PIAS4: variants seen among roughly 807,000 people sequenced by gnomAD.
The protein encoded by PIAS4 is E3 SUMO-protein ligase PIAS4.
PIAS4 carries 7 observed loss-of-function variants against 58.0 expected under a neutral mutation model. The observed-to-expected ratio is 0.12, with a 90% CI of 0.07 to 0.23. The LOEUF (loss-of-function observed/expected upper bound fraction) is 0.23. Ranked by LOEUF, PIAS4 falls within the 10% of genes least tolerant of loss-of-function variation. PIAS4 has a pLI of 1.00. For missense variants in PIAS4, 550 were observed against 709.5 expected (o/e 0.78, Z 2.55); for synonymous variants, 364 against 312.4 (o/e 1.17, Z -1.74).
chr19:4,035,241 G>C (rs1368596303), intron 9 of PIAS4, among the ~76,000 whole-genome samples: 1 of 152,102 alleles, frequency 6.6e-6, no homozygotes, highest in Non-Finnish European at 1.5e-5. Flanking sequence ...TGATGAGAAC[G>C]ATGCCACTGC....
intron 7 of PIAS4, among the ~76,000 whole-genome samples, chr19:4,031,228 G>T (rs1313916997): frequency 6.6e-6 from 1 of 152,182 alleles, no homozygotes; most frequent in Non-Finnish European, 1.5e-5. Flanking sequence ...CCAGAAGCCT[G>T]GAGCAGTGCT....
At chr19:4,036,832 TCACA>T (rs561780709) in intron 9 of PIAS4, among the ~76,000 whole-genome samples, 15 of 141,188 alleles carry the variant, frequency 1.1e-4, no homozygotes, top group Non-Finnish European at 1.7e-4. Flanking sequence ...GTCCACACCG[TCACA>T]CACACACGCC....
chr19:4,018,171 C>T (rs541881347), intron 2 of PIAS4, among the ~76,000 whole-genome samples: 40 of 152,346 alleles, frequency 2.6e-4, no homozygotes, highest in Admixed American at 6.5e-4. Context: ...TACAATTATG[C>T]GCTTGTCCTA....
intron 2 of PIAS4, among the ~76,000 whole-genome samples, chr19:4,015,950 G>A (rs1166505671): frequency 6.6e-6 from 1 of 152,226 alleles, no homozygotes; most frequent in East Asian, 1.9e-4. Flanking sequence ...CAGGCTGTAG[G>A]TGATCGGCTC....
Position 4,038,035 on chromosome 19 carries a change from C to T in PIAS4, c.*160C>T. 3.1e-6 allele frequency: 2 copies of T among 647,928 alleles called. No homozygotes were observed. Among genetic ancestry groups the T allele is most frequent in the Non-Finnish European group, 2.6e-6 (1 of 391,196 alleles). 40.1% of individuals were successfully genotyped at this position (647,928 alleles called of 1,614,324 possible). On this transcript the variant is annotated 3_prime_UTR_variant, in exon 11 of 11. Transcript: ENST00000262971. The surrounding 1 kb of genome is among the most constrained non-coding windows in gnomAD (Gnocchi z 4.1). ...CTCCTGGCACCTGTACCTCTGGACT[C>T]TCCTATCGGGGGATTAAAAAAAAAA...
intron 1 of PIAS4, among the ~76,000 whole-genome samples, chr19:4,012,701 C>T (rs1238189340): frequency 2.0e-5 from 3 of 150,338 alleles, no homozygotes; most frequent in Non-Finnish European, 4.4e-5. Context: ...GCTTTTGCTG[C>T]GTTGGCGATG....
intron 1 of PIAS4, among the ~76,000 whole-genome samples, chr19:4,010,262 A>T (rs1208069974): frequency 6.6e-6 from 1 of 152,168 alleles, no homozygotes; most frequent in Non-Finnish European, 1.5e-5. Flanking sequence ...CTGAGTCGTG[A>T]ACATATGGCC....
chr19:4,030,398 T>A (rs1015129437), intron 7 of PIAS4, among the ~76,000 whole-genome samples: 1 of 151,834 alleles, frequency 6.6e-6, no homozygotes, highest in African/African-American at 2.4e-5. Flanking sequence ...GGCGGGCAGA[T>A]CATGGGGTCA....
intron 7 of PIAS4, among the ~76,000 whole-genome samples, chr19:4,029,811 ATTTTTTTTTTTTTTTT>A (rs1172132330): frequency 1.8e-5 from 1 of 55,000 alleles, no homozygotes; most frequent in Non-Finnish European, 3.7e-5. Flanking sequence ...CACCCAACTA[ATTTTTTTTTTTTTTTT>A]TTTTTTTTTT....
intron 3 of PIAS4, 101 bp downstream of exon 3, chr19:4,024,221 G>A (rs1313383395): frequency 3.3e-5 from 28 of 861,528 alleles, no homozygotes; most frequent in East Asian, 1.8e-4. Flanking sequence ...TGCAGGCCTC[G>A]CTCGGGCTCA....
rs367607842 is a variant in PIAS4, at chr19:4,037,589, C to T, written c.1274-27C>T. On this transcript the variant is annotated intron_variant, in intron 10 of 10. Coordinates refer to ENST00000262971, the MANE Select transcript of PIAS4 (RefSeq NM_015897.4). This position sits in a 1 kb window ranked among gnomAD's most constrained non-coding sequence, Gnocchi z 5.8. ...TTTATCAGTGGTTGCATCCTAAGTA[C>T]CTGCACCCTGTCCCTGTTGCCCGTA... is the stretch of plus-strand genomic sequence containing the variant. 4.1e-5 allele frequency: 66 copies of T among 1,607,892 alleles called. No individual in the cohort carries two copies. The East Asian group carries it at 9.1e-4, about 22-fold the overall frequency.
At chr19:4,012,809 C>A in intron 1 of PIAS4, 114 bp from the exon 2 acceptor site, 1 of 1,194,860 alleles carries the variant, frequency 8.4e-7, no homozygotes, top group Non-Finnish European at 1.2e-6. Flanking sequence ...CCAAGGCTGG[C>A]GCTTCCTGGC....
chr19:4,023,210 G>A (rs2040128276), intron 2 of PIAS4, among the ~76,000 whole-genome samples: 1 of 147,202 alleles, frequency 6.8e-6, no homozygotes, highest in Admixed American at 6.8e-5. Context: ...TGGGCACAGT[G>A]GCTCACGCCT....
chr19:4,010,039 T>G (rs1335106360), intron 1 of PIAS4, among the ~76,000 whole-genome samples: 1 of 152,210 alleles, frequency 6.6e-6, no homozygotes, highest in Non-Finnish European at 1.5e-5. Context: ...TGTCTCCCCA[T>G]GCGACTTCCA....
At chr19:4,036,189 A>C (rs1176253793) in intron 9 of PIAS4, among the ~76,000 whole-genome samples, 6 of 94,934 alleles carry the variant, frequency 6.3e-5, no homozygotes, top group African/African-American at 1.8e-4. Flanking sequence ...TATACAGTCC[A>C]CACCGTCACA....
In PIAS4 at chr19:4,037,877, C is replaced by A; in HGVS notation, c.*2C>A. On this transcript the variant is annotated 3_prime_UTR_variant, in exon 11 of 11. Coordinates refer to ENST00000262971, the MANE Select transcript of PIAS4 (RefSeq NM_015897.4). The surrounding 1 kb of genome is among the most constrained non-coding windows in gnomAD (Gnocchi z 5.8). Reference sequence around the variant, plus strand: ...AAGGGCCTGGTGCCGGCCTGCTGACCCCGGCCGCACACTCGACTTTCCTGG... The same window carrying A: ...AAGGGCCTGGTGCCGGCCTGCTGACACCGGCCGCACACTCGACTTTCCTGG... The A allele has an allele frequency of 1.8e-5, 28 of 1,566,170 alleles. No individual in the cohort carries two copies. The highest frequency in any genetic ancestry group is 2.3e-5 in the Non-Finnish European group (27 of 1,160,650).
chr19:4,030,535 C>T (rs1208201262), intron 7 of PIAS4, among the ~76,000 whole-genome samples: 3 of 151,570 alleles, frequency 2.0e-5, no homozygotes, highest in African/African-American at 4.9e-5. Context: ...AGGAGAATGG[C>T]GTGAACCCAG....
intron 7 of PIAS4, 74 bp downstream of exon 7, chr19:4,029,110 G>C (rs928795996): frequency 4.7e-6 from 5 of 1,074,522 alleles, no homozygotes; most frequent in Admixed American, 2.0e-5. Context: ...TGGGTGAAGC[G>C]GGGGGCCCTG....
At chr19:4,018,353 C>G (rs969590489) in intron 2 of PIAS4, 2 of 152,258 alleles carry the variant, frequency 1.3e-5, no homozygotes, top group South Asian at 2.1e-4. Flanking sequence ...CTGTGAGCAT[C>G]TGCTCACAGC....
Sources: allele counts gnomAD v4.1 joint callset (sites outside exome capture counted in the v4.1 genomes callset), GRCh38; gene constraint gnomAD v4.1.1; non-coding constraint Gnocchi (gnomAD v3.1); transcripts MANE v1.5; gene names NCBI Gene and HGNC (gene_info 2026-07-23, HGNC 2026-07-21).